Variants in DNPEP observed in about 807,000 individuals in gnomAD.
DNPEP encodes aspartyl aminopeptidase.
A neutral mutation model predicts 59.1 loss-of-function variants in DNPEP; 46 were observed. The observed-to-expected ratio is 0.78, with a 90% CI of 0.61 to 0.99. The LOEUF is 0.99. DNPEP is among the 50% of genes least tolerant of loss of function. The pLI, the probability that DNPEP is intolerant of heterozygous loss-of-function variation, is 0.00. For missense variants in DNPEP, 617 were observed against 649.9 expected, an observed-to-expected ratio of 0.95 and a Z score of 0.55; for synonymous variants, 229 against 242.2, an observed-to-expected ratio of 0.95 and a Z score of 0.50.
intron 1 of DNPEP, among the ~76,000 whole-genome samples, chr2:219,395,720 G>A (rs1370693396): frequency 6.6e-6 from 1 of 152,182 alleles, no homozygotes; most frequent in African/African-American, 2.4e-5. Context: ...TGCCTCCCAA[G>A]CTCCTTCACA....
chr2:219,377,686 G>C (rs1280601672), intron 13 of DNPEP, among the ~76,000 whole-genome samples: 3 of 152,120 alleles, frequency 2.0e-5, no homozygotes, highest in African/African-American at 7.2e-5. Flanking sequence ...CACTTTGGGA[G>C]GCCAAGGTGG....
At chr2:219,399,951 G>C in exon 1 of DNPEP, 1 of 1,545,868 alleles carries the variant, frequency 6.5e-7, no homozygotes, top group South Asian at 1.2e-5. Flanking sequence ...TCCTCCCAAG[G>C]CTGGAGTGGA....
intron 11 of DNPEP, 63 bp downstream of exon 11, chr2:219,381,916 A>G: frequency 6.3e-7 from 1 of 1,586,644 alleles, no homozygotes; most frequent in Middle Eastern, 1.7e-4. Context: ...GCAGAGCCTC[A>G]AGGCAGGTTA....
chr2:219,396,748 A>T (rs558443247), intron 1 of DNPEP, among the ~76,000 whole-genome samples: 1 of 152,194 alleles, frequency 6.6e-6, no homozygotes, highest in African/African-American at 2.4e-5. Context: ...ATCAAACCCT[A>T]CGCACACACA....
At chr2:219,383,074 A>G in intron 10 of DNPEP, 57 bp downstream of exon 10, 10 of 1,535,044 alleles carry the variant, frequency 6.5e-6, no homozygotes, top group Non-Finnish European at 9.0e-6. Flanking sequence ...GCCTGGCACA[A>G]CAAGTTGGCT....
intron 13 of DNPEP, among the ~76,000 whole-genome samples, chr2:219,376,457 C>T (rs1953375269): frequency 2.0e-5 from 3 of 148,928 alleles, no homozygotes; most frequent in Non-Finnish European, 4.4e-5. Context: ...CACTACACTC[C>T]AGCCTGGGCA....
upstream of DNPEP, among the ~76,000 whole-genome samples, chr2:219,392,441 GGGTTCAA>G (rs997841714): frequency 6.6e-6 from 1 of 151,874 alleles, no homozygotes; most frequent in Non-Finnish European, 1.5e-5. Flanking sequence ...TCCGCCTCCT[GGGTTCAA>G]GTGATTCTCC....
At chr2:219,389,450 A>T (rs964002048), upstream of DNPEP, among the ~76,000 whole-genome samples, 1 of 152,138 alleles carries the variant, frequency 6.6e-6, no homozygotes, top group Non-Finnish European at 1.5e-5. Context: ...CCTCACTTCA[A>T]ACTAGTAGAT....
At chr2:219,383,690 C>T (rs533346085) in intron 9 of DNPEP, among the ~76,000 whole-genome samples, 1 of 152,242 alleles carries the variant, frequency 6.6e-6, no homozygotes, top group African/African-American at 2.4e-5. Flanking sequence ...AGGGAAAAGA[C>T]TGAGGTTCAA....
chr2:219,387,870 C>A lies in DNPEP; in HGVS notation c.-76G>T. 1 of 1,465,644 alleles carries A rather than the reference C, an allele frequency of 6.8e-7. No individual in the cohort carries two copies. Among genetic ancestry groups the A allele is most frequent in the South Asian group, 1.3e-5 (1 of 75,406 alleles). 90.8% of individuals were successfully genotyped at this position (1,465,644 alleles called of 1,614,324 possible). A position where few individuals can be genotyped will look rare whatever the true frequency, so the allele number is the denominator to read the frequency against. On this transcript the variant is annotated 5_prime_UTR_variant, in exon 1 of 15. Transcript: ENST00000273075. Reference sequence around the variant, plus strand: ...ACTAGCTTTGCAGGTCCCCCGCGTGCCCCTTCAGGCCGCGCCGCACTCGTA... The same window carrying A: ...ACTAGCTTTGCAGGTCCCCCGCGTGACCCTTCAGGCCGCGCCGCACTCGTA...
chr2:219,390,213 A>C (rs1953993908), upstream of DNPEP, among the ~76,000 whole-genome samples: 1 of 152,260 alleles, frequency 6.6e-6, no homozygotes, highest in Non-Finnish European at 1.5e-5. Flanking sequence ...GTGGAGCTGT[A>C]GTCAGAGCCA....
At chr2:219,386,539 G>T in intron 4 of DNPEP, 126 bp downstream of exon 4, 6 of 1,476,358 alleles carry the variant, frequency 4.1e-6, no homozygotes, top group Non-Finnish European at 4.6e-6. Flanking sequence ...TGAAGGAAGG[G>T]GCCAACAAGT....
In DNPEP at chr2:219,381,345, AC is replaced by A; in HGVS notation, c.1228del (p.Val410SerfsTer33). 1 of 1,613,642 alleles carries A rather than the reference AC, an allele frequency of 6.2e-7. No individual in the cohort carries two copies. The highest frequency in any genetic ancestry group is 8.5e-7 in the Non-Finnish European group (1 of 1,179,936). On this transcript the variant is annotated frameshift_variant, in exon 13 of 15. Coordinates refer to ENST00000273075, the MANE Select transcript of DNPEP (RefSeq NM_012100.4). LOFTEE classifies it high-confidence loss of function. ...LIREVANKVKVPLQDLMVRND... is the reference protein window; with the variant it reads ...LIREVANKVKXPLQDLMVRND... ...AGGGCCCACCCTCACCTGCAGGGGG[AC>A]CTTGACTTTGTTGGCCACCTCTCGG...
upstream of DNPEP, among the ~76,000 whole-genome samples, chr2:219,390,201 A>G (rs955524019): frequency 3.3e-5 from 5 of 152,356 alleles, no homozygotes; most frequent in Non-Finnish European, 7.3e-5. Context: ...CTGCTAGACA[A>G]TGTGGAGCTG....
Position 219,372,371 on chromosome 2 carries a change from T to C in DNPEP, c.*1921A>G, listed in dbSNP as rs2125120489. On this transcript the variant is annotated 3_prime_UTR_variant, in exon 15 of 15. Coordinates refer to ENST00000273075, the MANE Select transcript of DNPEP (RefSeq NM_012100.4). ...TTTATATACACATAAAAATATATAATAATTTTTTTTTTGAGACGGAGTCTG... is the reference window on the plus strand; with the variant it reads ...TTTATATACACATAAAAATATATAACAATTTTTTTTTTGAGACGGAGTCTG... 6.6e-6 allele frequency among the ~76,000 whole-genome samples: 1 copy of C among 152,194 alleles called. No homozygotes were observed. Among genetic ancestry groups the C allele is most frequent in the South Asian group, 2.1e-4 (1 of 4,814 alleles).
chr2:219,380,813 T>A (rs538783988), intron 13 of DNPEP, among the ~76,000 whole-genome samples: 1 of 78,932 alleles, frequency 1.3e-5, no homozygotes, highest in African/African-American at 3.6e-5. Flanking sequence ...TCATGTGTTA[T>A]ATACATACAT....
chr2:219,395,084 G>A (rs994183765), intron 1 of DNPEP, among the ~76,000 whole-genome samples: 1 of 151,912 alleles, frequency 6.6e-6, no homozygotes, highest in African/African-American at 2.4e-5. Flanking sequence ...GCCTCCTGAG[G>A]ATTACAGACA....
intron 1 of DNPEP, chr2:219,399,733 T>A: frequency 1.4e-6 from 1 of 708,802 alleles, no homozygotes; most frequent in East Asian, 2.7e-5. Flanking sequence ...GTTAGCAGAC[T>A]GAGAGCAGGG....
intron 11 of DNPEP, 144 bp downstream of exon 11, chr2:219,381,835 T>C: frequency 9.7e-7 from 1 of 1,031,054 alleles, no homozygotes; most frequent in South Asian, 1.5e-5. Context: ...GGTCTCGCAG[T>C]AGTGAAAAGG....
Sources: allele counts gnomAD v4.1 joint callset (sites outside exome capture counted in the v4.1 genomes callset), GRCh38; gene constraint gnomAD v4.1.1; transcripts MANE v1.5; gene names NCBI Gene and HGNC (gene_info 2026-07-23, HGNC 2026-07-21).